Variants in MCTP1 observed in about 807,000 individuals in gnomAD.
MCTP1 encodes multiple C2 and transmembrane domain containing 1, also known as multiple C2 and transmembrane domain-containing protein 1.
A neutral mutation model predicts 120.6 loss-of-function variants in MCTP1; 69 were observed. The ratio of observed to expected loss-of-function variants is 0.57; its 90% confidence interval spans 0.47 to 0.70. MCTP1 has a LOEUF of 0.70. Among genes scored for constraint, MCTP1 ranks in the 30% least tolerant of loss-of-function variants. The pLI, the probability that MCTP1 is intolerant of heterozygous loss-of-function variation, is 0.00. For missense variants in MCTP1, 1,203 were observed against 1,248.8 expected (o/e 0.96, Z 0.55); for synonymous variants, 529 against 493.1 (o/e 1.07, Z -0.96).
At chr5:94,851,717 G>C (rs1793760664) in intron 17 of MCTP1, among the ~76,000 whole-genome samples, 1 of 151,906 alleles carries the variant, frequency 6.6e-6, no homozygotes, top group Admixed American at 6.6e-5. Context: ...AATCGTCAAA[G>C]AAAAGGCATT....
At chr5:95,098,709 T>C (rs1218709455) in intron 1 of MCTP1, among the ~76,000 whole-genome samples, 2 of 152,050 alleles carry the variant, frequency 1.3e-5, no homozygotes, top group East Asian at 3.9e-4. Context: ...AGGTAATTTA[T>C]AGATTCAATG....
At chr5:94,871,892 C>T (rs1464112635) in intron 13 of MCTP1, among the ~76,000 whole-genome samples, 2 of 151,960 alleles carry the variant, frequency 1.3e-5, no homozygotes, top group Admixed American at 1.3e-4. Context: ...GTTTATAGCT[C>T]TCACTAGATC....
At chr5:95,187,577 T>G (rs1409417220) in intron 1 of MCTP1, among the ~76,000 whole-genome samples, 1 of 152,160 alleles carries the variant, frequency 6.6e-6, no homozygotes, top group Non-Finnish European at 1.5e-5. Flanking sequence ...TTGTTTGATA[T>G]TTTTAGTAGA....
chr5:95,025,807 C>T (rs962709299), intron 1 of MCTP1, among the ~76,000 whole-genome samples: 1 of 152,136 alleles, frequency 6.6e-6, no homozygotes, highest in Non-Finnish European at 1.5e-5. Context: ...TCCCAACAGC[C>T]CCTCAAGTAA....
chr5:94,880,779 G>C (rs970283804), intron 12 of MCTP1, among the ~76,000 whole-genome samples: 3 of 152,094 alleles, frequency 2.0e-5, no homozygotes, highest in Non-Finnish European at 4.4e-5. Flanking sequence ...TCTATTTTTT[G>C]TTGGCAAATG....
intron 17 of MCTP1, among the ~76,000 whole-genome samples, chr5:94,812,417 C>G (rs1468136212): frequency 1.4e-5 from 2 of 145,970 alleles, no homozygotes; most frequent in Non-Finnish European, 3.0e-5. Context: ...TAAACATGAA[C>G]CAAAAGGTGG....
chr5:94,838,159 G>A (rs1790232173), intron 17 of MCTP1, among the ~76,000 whole-genome samples: 1 of 152,140 alleles, frequency 6.6e-6, no homozygotes, highest in African/African-American at 2.4e-5. Context: ...GGTTTAAGTT[G>A]TCCAAATGTC....
chr5:95,068,730 C>G (rs1183010144), intron 1 of MCTP1: 4 of 1,098,484 alleles, frequency 3.6e-6, no homozygotes, highest in Non-Finnish European at 4.7e-6. Context: ...GCTTTTATGC[C>G]TAATTAAACA....
chr5:95,175,195 T>C (rs1195498364), intron 1 of MCTP1, among the ~76,000 whole-genome samples: 1 of 152,220 alleles, frequency 6.6e-6, no homozygotes, highest in Admixed American at 6.5e-5. Context: ...TAGAACCAAT[T>C]CATTAATCAA....
intron 10 of MCTP1, among the ~76,000 whole-genome samples, chr5:94,900,307 T>G (rs561824547): frequency 6.6e-6 from 1 of 152,334 alleles, no homozygotes; most frequent in South Asian, 2.1e-4. Flanking sequence ...CTGAAATGCC[T>G]CAAGGGCAGG....
intron 18 of MCTP1, among the ~76,000 whole-genome samples, chr5:94,781,132 A>T (rs1331552698): frequency 2.0e-5 from 3 of 147,226 alleles, no homozygotes; most frequent in Non-Finnish European, 4.5e-5. Context: ...TAAATGAAGT[A>T]TTTTTTTTTT....
chr5:95,053,078 T>C (rs766539245), intron 1 of MCTP1, among the ~76,000 whole-genome samples: 7 of 152,218 alleles, frequency 4.6e-5, no homozygotes, highest in Non-Finnish European at 8.8e-5. Context: ...AATCTATTTT[T>C]GGCACAAAAT....
intron 1 of MCTP1, among the ~76,000 whole-genome samples, chr5:95,068,182 G>A (rs1206666356): frequency 1.3e-5 from 2 of 152,106 alleles, no homozygotes; most frequent in African/African-American, 4.8e-5. Flanking sequence ...AATGAACCAA[G>A]ACACATTTGA....
chr5:94,774,630 A>C (rs565203166), intron 19 of MCTP1, among the ~76,000 whole-genome samples: 6 of 152,260 alleles, frequency 3.9e-5, no homozygotes, highest in Admixed American at 3.9e-4. Context: ...AGAGAACCCA[A>C]CTGAGCTGTG....
In MCTP1 at chr5:94,888,940, A is replaced by G; in HGVS notation, c.1872T>C (p.Asp624=). Residue 624 remains aspartate (D), a synonymous_variant, in exon 12 of 23, where the codon GAT becomes GAC. Coordinates refer to ENST00000515393, the MANE Select transcript of MCTP1 (RefSeq NM_024717.7). ...TGACTTTCACCTGGAGAAATCCCAC[A>G]TCTTTCAGGTTGTGAAATATCCTCA... ...SPLRIFHNLK[D]VGFLQVKVIR... 1.2e-6 allele frequency: 2 copies of G among 1,613,966 alleles called. No homozygotes were observed. Among genetic ancestry groups the G allele is most frequent in the Non-Finnish European group, 1.7e-6 (2 of 1,179,862 alleles).
In MCTP1 at chr5:94,937,704, C is replaced by T. The variant is rs1384310861; in HGVS notation, c.1173+2380G>A. ...TATTTCTGTGTAATTTAGAACAACT[C>T]AGCAGCTTCATCGTAAGGTCTCCTG... On this transcript the variant is annotated intron_variant, in intron 5 of 22. Coordinates refer to ENST00000515393, the MANE Select transcript of MCTP1 (RefSeq NM_024717.7). 3.9e-5 allele frequency among the ~76,000 whole-genome samples: 6 copies of T among 152,062 alleles called. No individual in the cohort carries two copies. The East Asian group carries it at 1.2e-3, about 29-fold the overall frequency.
chr5:94,900,285 T>C (rs1805166944), intron 10 of MCTP1, among the ~76,000 whole-genome samples: 1 of 152,238 alleles, frequency 6.6e-6, no homozygotes, highest in Admixed American at 6.5e-5. Flanking sequence ...TGCAGCTGTC[T>C]TTCTTAATAT....
chr5:95,231,856 G>C (rs1047980157), intron 1 of MCTP1, among the ~76,000 whole-genome samples: 1 of 152,076 alleles, frequency 6.6e-6, no homozygotes, highest in Non-Finnish European at 1.5e-5. Flanking sequence ...CTATTGTAAG[G>C]TTCTTATATT....
At chr5:94,810,223 T>C (rs1036050830) in intron 17 of MCTP1, among the ~76,000 whole-genome samples, 2 of 152,190 alleles carry the variant, frequency 1.3e-5, no homozygotes, top group African/African-American at 4.8e-5. Context: ...TTAGAGCTTA[T>C]TAAAAGCAGT....
Sources: allele counts gnomAD v4.1 joint callset (sites outside exome capture counted in the v4.1 genomes callset), GRCh38; gene constraint gnomAD v4.1.1; transcripts MANE v1.5; gene names NCBI Gene and HGNC (gene_info 2026-07-23, HGNC 2026-07-21).